The following TBC1D10C variants were observed in gnomAD, a reference collection of about 807,000 sequenced individuals.
TBC1D10C encodes carabin.
In TBC1D10C, 49 loss-of-function variants were observed where a neutral mutation model predicts 51.0. The ratio of observed to expected loss-of-function variants is 0.96; its 90% confidence interval spans 0.76 to 1.22. TBC1D10C has a LOEUF of 1.22. Among genes scored for constraint, TBC1D10C ranks in the 50% most tolerant of loss-of-function variants. The pLI is 0.00. For missense variants in TBC1D10C, 541 were observed against 617.5 expected (o/e 0.88, Z 1.31); for synonymous variants, 281 against 266.7 (o/e 1.05, Z -0.52).
Position 67,409,514 on chromosome 11 carries a change from C to G in TBC1D10C, c.1101C>G (p.Arg367=). ...APGPPPRPQV[R]LAGAQAIFEA... is the part of the protein sequence containing the mutation. ...GACCCCCGCCCCGGCCACAGGTCCG[C>G]CTCGCCGGGGCCCAAGCCATCTTTG... Residue 367 remains arginine (R), a synonymous_variant, in exon 9 of 9, where the codon CGC becomes CGG. Transcript: ENST00000542590. 1 of 1,548,432 alleles carries G rather than the reference C, an allele frequency of 6.5e-7. No individual in the cohort carries two copies. The highest frequency in any genetic ancestry group is 8.7e-7 in the Non-Finnish European group (1 of 1,146,320).
rs761798810 is a variant in TBC1D10C at position 67,409,595 on chromosome 11, T to C, written c.1182T>C (p.Ile394=). The C allele has an allele frequency of 1.9e-6, 3 of 1,550,490 alleles. No homozygotes were observed. Among genetic ancestry groups the C allele is most frequent in the African/African-American group, 1.4e-5 (1 of 73,358 alleles). ...RRGAKPEVPR[I]VVQPPEEPRP... is the part of the protein sequence containing the mutation. ...GCGCCAAGCCTGAGGTGCCTCGGAT[T>C]GTGGTGCAGCCCCCGGAGGAGCCCA... Residue 394 remains isoleucine (I), a synonymous_variant, in exon 9 of 9, where the codon ATT becomes ATC. Transcript: ENST00000542590.
intron 4 of TBC1D10C, 54 bp from the exon 5 acceptor site, chr11:67,405,849 G>A (rs1043466208): frequency 8.4e-6 from 13 of 1,547,480 alleles, no homozygotes; most frequent in Non-Finnish European, 9.6e-6. Context: ...GCCCCCAGAG[G>A]GTGGAGAAGG....
intron 5 of TBC1D10C, 88 bp downstream of exon 5, chr11:67,406,105 A>T (rs1195556721): frequency 6.2e-6 from 7 of 1,124,674 alleles, no homozygotes; most frequent in Non-Finnish European, 7.4e-6. Context: ...AGAAACCTGC[A>T]ATCCTTGATT....
chr11:67,404,115 G>A lies in TBC1D10C; in HGVS notation c.-88G>A, dbSNP rs991145835. On this transcript the variant is annotated 5_prime_UTR_variant, in exon 1 of 9. Coordinates refer to ENST00000542590, the MANE Select transcript of TBC1D10C (RefSeq NM_001369496.1). Reference sequence around the variant, plus strand: ...CCTGAAACCTCCCCCCTCTGACCCCGCAGCCAGGCCCCAGGCTGGCCGGGA... The same window carrying A: ...CCTGAAACCTCCCCCCTCTGACCCCACAGCCAGGCCCCAGGCTGGCCGGGA... 1.4e-5 allele frequency: 19 copies of A among 1,380,682 alleles called. No homozygotes were observed. Among genetic ancestry groups the A allele is most frequent in the Non-Finnish European group, 5.6e-6 (6 of 1,064,522 alleles). 85.5% of individuals were successfully genotyped at this position (1,380,682 alleles called of 1,614,324 possible).
intron 7 of TBC1D10C, 64 bp from the exon 8 acceptor site, chr11:67,408,915 G>C (rs774973169): frequency 3.8e-5 from 56 of 1,492,000 alleles, no homozygotes; most frequent in Non-Finnish European, 4.8e-5. Flanking sequence ...CTGAGGGCAG[G>C]TTTGGGTGCA....
chr11:67,409,099 C>G lies in TBC1D10C; in HGVS notation c.959C>G (p.Pro320Arg), dbSNP rs770437810. The change falls in exon 8 of 9, where the codon CCC (proline) becomes CGC (arginine). Residue 320 changes from proline to arginine, a missense_variant. By Grantham distance (103) the Pro-to-Arg change is moderately radical (BLOSUM62 -2). Coordinates refer to ENST00000542590, the MANE Select transcript of TBC1D10C (RefSeq NM_001369496.1). ...CTGGGAGCCCTTCGAGCCATCCCCCCCGCGCAGCTGCAGGAGGAGGCCTTC... is the reference window on the plus strand; with the variant it reads ...CTGGGAGCCCTTCGAGCCATCCCCCGCGCGCAGCTGCAGGAGGAGGCCTTC... The part of the protein sequence containing the change: ...ETLGALRAIP[P>R]AQLQEEAFMS... 2.5e-6 allele frequency: 4 copies of G among 1,600,620 alleles called. No homozygotes were observed. Among genetic ancestry groups the G allele is most frequent in the East Asian group, 4.5e-5 (2 of 44,570 alleles).
intron 5 of TBC1D10C, 176 bp from the exon 6 acceptor site, chr11:67,406,451 G>A (rs775268286): frequency 1.9e-4 from 115 of 620,782 alleles, no homozygotes; most frequent in Non-Finnish European, 2.9e-4. Context: ...GTCTTGGGCA[G>A]AGGAGGGGGC....
At chr11:67,408,290 T>C (rs1863279688) in intron 7 of TBC1D10C, 3 of 152,214 alleles carry the variant, frequency 2.0e-5, no homozygotes, top group African/African-American at 4.8e-5. Flanking sequence ...AGATCCAAGT[T>C]GGAAAGGCCC....
In TBC1D10C at chr11:67,409,589, T is replaced by A. The variant is rs1863359864; in HGVS notation, c.1176T>A (p.Pro392=). Reference sequence around the variant, plus strand: ...GACGAGGCGCCAAGCCTGAGGTGCCTCGGATTGTGGTGCAGCCCCCGGAGG... The same window carrying A: ...GACGAGGCGCCAAGCCTGAGGTGCCACGGATTGTGGTGCAGCCCCCGGAGG... The part of the protein sequence containing the change: ...GVRRGAKPEV[P]RIVVQPPEEP... Residue 392 remains proline (P), a synonymous_variant, in exon 9 of 9, where the codon CCT becomes CCA. Transcript: ENST00000542590. 1.3e-6 allele frequency: 2 copies of A among 1,549,698 alleles called. No individual in the cohort carries two copies. The highest frequency in any genetic ancestry group is 4.9e-5 in the East Asian group (2 of 41,062).
chr11:67,409,417 T>A lies in TBC1D10C; in HGVS notation c.1004T>A (p.Val335Glu). 1 of 1,548,762 alleles carries A rather than the reference T, an allele frequency of 6.5e-7. No individual in the cohort carries two copies. The highest frequency in any genetic ancestry group is 8.7e-7 in the Non-Finnish European group (1 of 1,146,546). Residue 335 changes from valine (V) to glutamate (E), a missense_variant, in exon 9 of 9, where the codon GTG (valine) becomes GAG (glutamate). Physicochemically the swap from Val to Glu is moderately radical, Grantham distance 121. Transcript: ENST00000542590. The part of the protein sequence containing the change: ...EEAFMSQVHS[V>E]VLSERDLQRE... ...AACTGCTCCCCACAGGTGCACAGCG[T>A]GGTGCTGTCAGAGCGGGACCTGCAG...
intron 7 of TBC1D10C, chr11:67,408,582 T>C (rs1460163343): frequency 5.8e-6 from 1 of 172,424 alleles, no homozygotes; most frequent in Non-Finnish European, 1.2e-5. Context: ...TGGGTGATCA[T>C]AGCACATGGA....
chr11:67,408,707 C>T lies in TBC1D10C; in HGVS notation c.839-272C>T, dbSNP rs533746181. 88 of 414,018 alleles carry T rather than the reference C, an allele frequency of 2.1e-4. No individual in the cohort carries two copies. In the East Asian group the frequency reaches 2.4e-3, roughly 11 times the overall value. The allele number at this position is 414,018 out of a possible 1,614,324, so 25.6% of individuals were successfully genotyped here. A position where few individuals can be genotyped will look rare whatever the true frequency, so the allele number is the denominator to read the frequency against. ...CATCTGAGCATCAAGTGATCAAGACCTTCATTTTGGCGGGGGTGGGGATGG... is the reference window on the plus strand; with the variant it reads ...CATCTGAGCATCAAGTGATCAAGACTTTCATTTTGGCGGGGGTGGGGATGG... On this transcript the variant is annotated intron_variant, in intron 7 of 8. Transcript: ENST00000542590.
In TBC1D10C at chr11:67,406,650, G is replaced by A. The variant is rs1408928055; in HGVS notation, c.606G>A (p.Gln202=). 2 of 1,575,444 alleles carry A rather than the reference G, an allele frequency of 1.3e-6. No individual in the cohort carries two copies. Among genetic ancestry groups the A allele is most frequent in the Non-Finnish European group, 1.7e-6 (2 of 1,159,824 alleles). The change falls in exon 6 of 9, where the codon CAG becomes CAA. Residue 202 remains glutamine (Q), a synonymous_variant. Transcript: ENST00000542590. ...AGGAGGCCTTCTGGTGCCTGGTGCA[G>A]ATCTGTGAGGTCTACCTCCCTGGGT... ...PPEEAFWCLV[Q]ICEVYLPGYY... is the part of the protein sequence containing the mutation.
upstream of TBC1D10C, chr11:67,403,978 C>T (rs994830596): frequency 1.6e-5 from 7 of 447,748 alleles, no homozygotes; most frequent in Admixed American, 3.0e-4. Flanking sequence ...CTGGTGGGGA[C>T]AGGGGCAGGG....
rs978016921 is a variant in TBC1D10C at position 67,405,665 on chromosome 11, C to G, written c.431C>G (p.Pro144Arg). Reference protein sequence around the residue: ...TIGRDLHRQFPLHEMFVSPQG... With the variant: ...TIGRDLHRQFRLHEMFVSPQG... ...GGCAGGGACCTGCACCGTCAATTCC[C>G]TCTGCACGAGATGTTTGTGTCGCCT... is the stretch of plus-strand genomic sequence containing the variant. The change falls in exon 4 of 9, where the codon CCT (proline) becomes CGT (arginine). Residue 144 changes from proline to arginine, a missense_variant. Pro to Arg is a moderately radical substitution (Grantham distance 103). Coordinates refer to ENST00000542590, the MANE Select transcript of TBC1D10C (RefSeq NM_001369496.1). 1.5e-5 allele frequency: 25 copies of G among 1,613,866 alleles called. No individual in the cohort carries two copies. Among genetic ancestry groups the G allele is most frequent in the Non-Finnish European group, 2.0e-5 (24 of 1,180,020 alleles).
rs781121129 is a variant in TBC1D10C at position 67,406,913 on chromosome 11, C to T, written c.735C>T (p.Gly245=). Residue 245 remains glycine, a synonymous_variant, in exon 7 of 9, where the codon GGC becomes GGT. Coordinates refer to ENST00000542590, the MANE Select transcript of TBC1D10C (RefSeq NM_001369496.1). Reference sequence around the variant, plus strand: ...TGCACAAGCACCTGCAGCAGGTGGGCGTCGGACCCCTGCTGTACCTGCCCG... The same window carrying T: ...TGCACAAGCACCTGCAGCAGGTGGGTGTCGGACCCCTGCTGTACCTGCCCG... ...PHVHKHLQQV[G]VGPLLYLPEW... is the part of the protein sequence containing the mutation. The T allele has an allele frequency of 9.3e-6, 15 of 1,612,254 alleles. No individual in the cohort carries two copies. Among genetic ancestry groups the T allele is most frequent in the African/African-American group, 2.7e-5 (2 of 75,026 alleles).
chr11:67,405,850 G>T, intron 4 of TBC1D10C, 53 bp from the exon 5 acceptor site: 1 of 1,548,368 alleles, frequency 6.5e-7, no homozygotes, highest in Non-Finnish European at 8.7e-7. Flanking sequence ...CCCCCAGAGG[G>T]TGGAGAAGGG....
intron 7 of TBC1D10C, chr11:67,407,622 T>TC: frequency 6.6e-6 from 1 of 152,554 alleles, no homozygotes; most frequent in Admixed American, 6.5e-5. Context: ...CAGGCTACAG[T>TC]CTACGAAGCA....
At chr11:67,404,986 G>T in intron 1 of TBC1D10C, 99 bp from the exon 2 acceptor site, 1 of 1,098,114 alleles carries the variant, frequency 9.1e-7, no homozygotes, top group Non-Finnish European at 1.3e-6. Context: ...AGATCCCTAG[G>T]GCCAGGAGCT....
Sources: gnomAD v4.1 joint callset for allele counts on GRCh38, gnomAD v4.1.1 for gene constraint, MANE v1.5 for transcripts, NCBI Gene and HGNC (gene_info 2026-07-23, HGNC 2026-07-21) for gene names.